Variants in CCDC136 observed in about 807,000 individuals in gnomAD.
CCDC136 encodes coiled-coil domain containing 136.
In CCDC136, 100 loss-of-function variants were observed where a neutral mutation model predicts 141.2. That is an observed-to-expected ratio of 0.71 (90% CI 0.60 to 0.84). CCDC136 has a LOEUF of 0.84. Among genes scored for constraint, CCDC136 ranks in the 40% least tolerant of loss-of-function variants. The pLI is 0.00. For missense variants in CCDC136, 1,206 were observed against 1,379.4 expected (o/e 0.87, Z 1.99); for synonymous variants, 474 against 531.9 (o/e 0.89, Z 1.50).
Position 128,809,576 on chromosome 7 carries a change from C to T in CCDC136, c.1732C>T (p.Gln578Ter). 6.4e-7 allele frequency: 1 copy of T among 1,567,546 alleles called. No individual in the cohort carries two copies. The highest frequency in any genetic ancestry group is 8.6e-7 in the Non-Finnish European group (1 of 1,156,772). The change falls in exon 11 of 18, where the codon CAG (glutamine) becomes TAG (stop). Residue 578 changes from glutamine (Q) to a stop codon, truncating the protein, a stop_gained. Transcript: ENST00000297788. LOFTEE classifies it high-confidence loss of function. ...LEDQRRMQEEQGQLQEELHRL... is the reference protein window; with the variant it reads ...LEDQRRMQEE ...GGATCAGAGGAGGATGCAGGAGGAG[C>T]AGGGCCAGCTGCAGGAAGAGCTGCA...
chr7:128,813,467 G>A (rs2128920890), intron 14 of CCDC136, among the ~76,000 whole-genome samples: 1 of 152,276 alleles, frequency 6.6e-6, no homozygotes, highest in South Asian at 2.1e-4. Flanking sequence ...GCGAACACAT[G>A]GGTCCAGATT....
At position 128,792,449 on chromosome 7, in the gene CCDC136, C is replaced by A. The variant is rs1256032405; in HGVS notation, c.16+22C>A. The A allele has an allele frequency of 2.5e-6, 4 of 1,578,908 alleles. No individual in the cohort carries two copies. The African/African-American group carries it at 5.4e-5, about 21-fold the overall frequency. ...GAGGGTGAGTTTTCCCAAAAGGCTT[C>A]TTTCTTTCCCCTCCCCTCCTCCCTT... On this transcript the variant is annotated intron_variant, in intron 1 of 17. Transcript: ENST00000297788.
At chr7:128,820,024 T>C (rs780706156) in intron 17 of CCDC136, among the ~76,000 whole-genome samples, 3 of 152,348 alleles carry the variant, frequency 2.0e-5, no homozygotes, top group Non-Finnish European at 4.4e-5. Flanking sequence ...TTCCCTATTA[T>C]AGTTCATTGT....
In CCDC136 at chr7:128,811,909, G is replaced by A. The variant is rs570468395; in HGVS notation, c.2138G>A (p.Arg713Gln). 1.1e-5 allele frequency: 17 copies of A among 1,613,830 alleles called. No individual in the cohort carries two copies. Among genetic ancestry groups the A allele is most frequent in the South Asian group, 2.2e-5 (2 of 91,066 alleles). Residue 713 changes from arginine (R) to glutamine (Q), a missense_variant, in exon 13 of 18, where the codon CGG (arginine) becomes CAG (glutamine). Physicochemically the swap from Arg to Gln is conservative, Grantham distance 43. Coordinates refer to ENST00000297788, the MANE Select transcript of CCDC136 (RefSeq NM_022742.5). ...GAGCAAGGGAGGCTCCTAGAGGAGC[G>A]GAAGAGGCTGCAGGCAGACTTGCAG... ...QQEQGRLLEERKRLQADLQLC... is the reference protein window; with the variant it reads ...QQEQGRLLEEQKRLQADLQLC...
At chr7:128,799,863 C>T (rs190359477) in intron 3 of CCDC136, among the ~76,000 whole-genome samples, 5 of 152,220 alleles carry the variant, frequency 3.3e-5, no homozygotes, top group South Asian at 2.1e-4. Context: ...TCCACTTTTT[C>T]GTTCTGATCC....
At chr7:128,816,750 T>TA (rs1348715321) in intron 16 of CCDC136, among the ~76,000 whole-genome samples, 1 of 152,212 alleles carries the variant, frequency 6.6e-6, no homozygotes, top group African/African-American at 2.4e-5. Context: ...CCTACAGAGT[T>TA]AGAGTATTTC....
chr7:128,811,660 G>T, intron 12 of CCDC136, 140 bp from the exon 13 acceptor site: 1 of 744,828 alleles, frequency 1.3e-6, no homozygotes, highest in Non-Finnish European at 2.2e-6. Flanking sequence ...GGCTAAGTCA[G>T]AGACATAGGC....
Position 128,814,771 on chromosome 7 carries a change from A to C in CCDC136, c.2897A>C (p.Gln966Pro), listed in dbSNP as rs2128922423. ...CAGTGCTGCCAGGAGGAGCTCCGCC[A>C]GCTCAGGGAGAAGAGGCCTTCTGTT... Reference protein sequence around the residue: ...QLQCCQEELRQLREKRPSVVK... With the variant: ...QLQCCQEELRPLREKRPSVVK... Residue 966 changes from glutamine (Q) to proline (P), a missense_variant, in exon 15 of 18, where the codon CAG (glutamine) becomes CCG (proline). By Grantham distance (76) the Gln-to-Pro change is moderately conservative. Transcript: ENST00000297788. The C allele has an allele frequency of 6.2e-7, 1 of 1,613,600 alleles. No homozygotes were observed. Among genetic ancestry groups the C allele is most frequent in the Non-Finnish European group, 8.5e-7 (1 of 1,179,682 alleles).
In CCDC136 at chr7:128,812,704, G is replaced by A. The variant is rs912421633; in HGVS notation, c.2542-4G>A. On this transcript the variant is annotated splice_polypyrimidine_tract_variant and splice_region_variant and intron_variant, in intron 13 of 17. Coordinates refer to ENST00000297788, the MANE Select transcript of CCDC136 (RefSeq NM_022742.5). ...TGCTATTGTTGCTCCCCCACCCCCCGCAGCGCTTTGAGGAAATGGTTGTGA... is the reference window on the plus strand; with the variant it reads ...TGCTATTGTTGCTCCCCCACCCCCCACAGCGCTTTGAGGAAATGGTTGTGA... 16 of 1,610,074 alleles carry A rather than the reference G, an allele frequency of 9.9e-6. No individual in the cohort carries two copies. The highest frequency in any genetic ancestry group is 6.7e-5 in the Admixed American group (4 of 59,758).
At chr7:128,791,896 G>A (rs1420913860), upstream of CCDC136, 1 of 495,258 alleles carries the variant, frequency 2.0e-6, no homozygotes, top group Non-Finnish European at 3.0e-6. This position sits in a 1 kb window ranked among gnomAD's most constrained non-coding sequence, Gnocchi z 7.1. Context: ...GGTCCAGCGA[G>A]AGAATGGGAG....
intron 3 of CCDC136, among the ~76,000 whole-genome samples, chr7:128,795,079 C>G (rs1318449500): frequency 6.6e-6 from 1 of 152,156 alleles, no homozygotes; most frequent in Non-Finnish European, 1.5e-5. Context: ...CATACTGCAT[C>G]CCTGTCCCTT....
rs374412941 is a variant in CCDC136, at chr7:128,805,840, G to A, written c.1028G>A (p.Arg343Lys). 9.3e-6 allele frequency: 15 copies of A among 1,613,848 alleles called. No homozygotes were observed. The highest frequency in any genetic ancestry group is 2.7e-5 in the African/African-American group (2 of 74,910). ...VSEEEQRRLQRELKCAQNEVL... is the reference protein window; with the variant it reads ...VSEEEQRRLQKELKCAQNEVL... ...GAGGAGGAGCAGAGGCGGCTGCAGAGGGAGCTCAAGTGTGCTCAGAATGAG... is the reference window on the plus strand; with the variant it reads ...GAGGAGGAGCAGAGGCGGCTGCAGAAGGAGCTCAAGTGTGCTCAGAATGAG... Residue 343 changes from arginine (R) to lysine (K), a missense_variant, in exon 7 of 18, where the codon AGG (arginine) becomes AAG (lysine). By Grantham distance (26) the Arg-to-Lys change is conservative. Coordinates refer to ENST00000297788, the MANE Select transcript of CCDC136 (RefSeq NM_022742.5). The surrounding 1 kb of genome is among the most constrained non-coding windows in gnomAD (Gnocchi z 4.6).
Position 128,815,819 on chromosome 7 carries a change from A to T in CCDC136, c.3251A>T (p.Asp1084Val). ...GAAGATCAGGAGGAAAATGAAGAGG[A>T]CAAAGAGGAAGAGGAGAAGGAAGAA... Reference protein sequence around the residue: ...STEDQEENEEDKEEEEKEEDS... With the variant: ...STEDQEENEEVKEEEEKEEDS... Residue 1084 changes from aspartate (D) to valine (V), a missense_variant, in exon 16 of 18, where the codon GAC becomes GTC. Physicochemically the swap from Asp to Val is radical, Grantham distance 152. Transcript: ENST00000297788. 6.2e-7 allele frequency: 1 copy of T among 1,609,290 alleles called. No individual in the cohort carries two copies. The highest frequency in any genetic ancestry group is 2.2e-5 in the East Asian group (1 of 44,738).
intron 3 of CCDC136, among the ~76,000 whole-genome samples, chr7:128,797,921 A>G (rs901040838): frequency 2.1e-5 from 3 of 139,646 alleles, no homozygotes; most frequent in East Asian, 4.2e-4. Context: ...ATAGGGTTCT[A>G]TTTTTTTTTT....
At chr7:128,793,041 A>G (rs1295689677) in intron 1 of CCDC136, among the ~76,000 whole-genome samples, 2 of 152,240 alleles carry the variant, frequency 1.3e-5, no homozygotes, top group East Asian at 3.8e-4. Context: ...CACGTTGCAC[A>G]TTCAGTATGG....
In CCDC136 at chr7:128,805,972, G is replaced by A; in HGVS notation, c.1089+71G>A. 2.6e-6 allele frequency: 4 copies of A among 1,558,896 alleles called. No individual in the cohort carries two copies. The highest frequency in any genetic ancestry group is 3.5e-6 in the Non-Finnish European group (4 of 1,136,402). On this transcript the variant is annotated intron_variant, in intron 7 of 17. Transcript: ENST00000297788. This position sits in a 1 kb window ranked among gnomAD's most constrained non-coding sequence, Gnocchi z 4.6. ...TCATGGAGGGGCTGCTTCAACCGGGGTGGGCACAGTGAGTATGGCTGTGCT... is the reference window on the plus strand; with the variant it reads ...TCATGGAGGGGCTGCTTCAACCGGGATGGGCACAGTGAGTATGGCTGTGCT...
intron 1 of CCDC136, among the ~76,000 whole-genome samples, chr7:128,793,597 G>A (rs975998843): frequency 6.6e-6 from 1 of 152,080 alleles, no homozygotes; most frequent in Non-Finnish European, 1.5e-5. Flanking sequence ...GATAGTTTTT[G>A]TTTGGTTGTT....
Position 128,794,726 on chromosome 7 carries a change from C to A in CCDC136, c.304C>A (p.Gln102Lys), listed in dbSNP as rs1038089391. 1.9e-6 allele frequency: 3 copies of A among 1,551,670 alleles called. No homozygotes were observed. The highest frequency in any genetic ancestry group is 2.0e-5 in the Admixed American group (1 of 50,998). ...GGAGGATGAACGGCTAGCCAGCGCCCAGCAGGCAGAGGTGTTCACCAAGCA... is the reference window on the plus strand; with the variant it reads ...GGAGGATGAACGGCTAGCCAGCGCCAAGCAGGCAGAGGTGTTCACCAAGCA... Reference protein sequence around the residue: ...LLEDERLASAQQAEVFTKQIQ... With the variant: ...LLEDERLASAKQAEVFTKQIQ... Residue 102 changes from glutamine (Q) to lysine (K), a missense_variant, in exon 3 of 18, where the codon CAG becomes AAG. By Grantham distance (53) the Gln-to-Lys change is moderately conservative. Transcript: ENST00000297788. The surrounding 1 kb of genome is among the most constrained non-coding windows in gnomAD (Gnocchi z 4.3).
At chr7:128,804,865 G>T in intron 5 of CCDC136, 104 bp downstream of exon 5, 1 of 687,250 alleles carries the variant, frequency 1.5e-6, no homozygotes, top group Non-Finnish European at 2.5e-6. Flanking sequence ...GCGTTCCTTT[G>T]CTCCTGGAGA....
Sources: allele counts gnomAD v4.1 joint callset (sites outside exome capture counted in the v4.1 genomes callset), GRCh38; gene constraint gnomAD v4.1.1; non-coding constraint Gnocchi (gnomAD v3.1); transcripts MANE v1.5; gene names NCBI Gene and HGNC (gene_info 2026-07-23, HGNC 2026-07-21).